SRBD1: variants seen among roughly 807,000 people sequenced by gnomAD.
SRBD1 encodes S1 RNA binding domain 1, also known as S1 RNA-binding domain-containing protein 1.
A neutral mutation model predicts 115.3 loss-of-function variants in SRBD1; 88 were observed. That is an observed-to-expected ratio of 0.76 (90% confidence interval 0.64 to 0.91). SRBD1 has a LOEUF of 0.91. SRBD1 is among the 40% of genes least tolerant of loss of function. The probability of loss-of-function intolerance (pLI) is 0.00; values close to 1 mark genes in which losing one functional copy is unlikely to be tolerated. For missense variants in SRBD1, 1,385 were observed against 1,177.4 expected, an observed-to-expected ratio of 1.18 and a Z score of -2.58; for synonymous variants, 509 against 407.7, an observed-to-expected ratio of 1.25 and a Z score of -2.99.
At chr2:45,532,301 T>C (rs1057456949) in intron 14 of SRBD1, among the ~76,000 whole-genome samples, 1 of 151,850 alleles carries the variant, frequency 6.6e-6, no homozygotes, top group East Asian at 1.9e-4. Context: ...CAGTGTTAAA[T>C]ACCAGGGAAT....
intron 16 of SRBD1, among the ~76,000 whole-genome samples, chr2:45,428,470 G>A (rs1362469442): frequency 6.6e-6 from 1 of 152,062 alleles, no homozygotes; most frequent in Non-Finnish European, 1.5e-5. Flanking sequence ...AGAATGGCGT[G>A]AACCCGGGAG....
At chr2:45,400,526 C>T (rs1283839585) in intron 19 of SRBD1, among the ~76,000 whole-genome samples, 1 of 152,096 alleles carries the variant, frequency 6.6e-6, no homozygotes, top group Admixed American at 6.6e-5. Flanking sequence ...TATTAATATT[C>T]ATTAACAATG....
In SRBD1 at chr2:45,392,972, G is replaced by A. The variant is rs760036254; in HGVS notation, c.2671C>T (p.Gln891Ter). The A allele has an allele frequency of 3.7e-6, 6 of 1,611,350 alleles. No individual in the cohort carries two copies. The highest frequency in any genetic ancestry group is 5.1e-6 in the Non-Finnish European group (6 of 1,178,502). Reference protein sequence around the residue: ...TLQVIIDGLSQPESFDFRTDF... With the variant: ...TLQVIIDGLS ...GTTCGAAAGTCAAAGCTTTCAGGCT[G>A]GCTGAGACCATCTATGATGACCTGT... Residue 891 changes from glutamine to a stop codon, truncating the protein, a stop_gained, in exon 20 of 21, where the codon CAG becomes TAG. Coordinates refer to ENST00000263736, the MANE Select transcript of SRBD1 (RefSeq NM_018079.5). LOFTEE classifies it high-confidence loss of function.
At chr2:45,559,435 G>C (rs987379908) in intron 10 of SRBD1, among the ~76,000 whole-genome samples, 2 of 152,100 alleles carry the variant, frequency 1.3e-5, no homozygotes, top group Non-Finnish European at 2.9e-5. Flanking sequence ...TCTGTTACAA[G>C]CACTTTTCTT....
intron 19 of SRBD1, among the ~76,000 whole-genome samples, chr2:45,411,972 C>A (rs1235209762): frequency 6.6e-6 from 1 of 151,918 alleles, no homozygotes; most frequent in East Asian, 1.9e-4. Flanking sequence ...ATTAGCCAGA[C>A]CGTGGTGCTG....
chr2:45,606,708 G>A (rs900383649), intron 1 of SRBD1, among the ~76,000 whole-genome samples: 11 of 152,050 alleles, frequency 7.2e-5, no homozygotes, highest in African/African-American at 2.7e-4. Flanking sequence ...CACATAATAC[G>A]GGAAAGTAAA....
At chr2:45,518,394 G>C (rs1268952509) in intron 14 of SRBD1, among the ~76,000 whole-genome samples, 1 of 152,102 alleles carries the variant, frequency 6.6e-6, no homozygotes, top group South Asian at 2.1e-4. Flanking sequence ...AGATTATTTT[G>C]AGCAGAATGA....
At chr2:45,409,894 T>G (rs947602304) in intron 19 of SRBD1, among the ~76,000 whole-genome samples, 1 of 152,130 alleles carries the variant, frequency 6.6e-6, no homozygotes, top group Non-Finnish European at 1.5e-5. Context: ...GTTCATGGAC[T>G]AAAAGACTTG....
At chr2:45,525,959 A>C (rs140212754) in intron 14 of SRBD1, among the ~76,000 whole-genome samples, 223 of 152,170 alleles carry the variant, frequency 1.5e-3, no homozygotes, top group African/African-American at 5.1e-3. Context: ...AAACCCAAAA[A>C]GTCAGGTAAC....
chr2:45,476,567 A>T (rs1669809068), intron 16 of SRBD1, among the ~76,000 whole-genome samples: 1 of 152,192 alleles, frequency 6.6e-6, no homozygotes, highest in Admixed American at 6.5e-5. Context: ...GTAACAACAA[A>T]AACGAGTACT....
At chr2:45,467,717 T>C (rs1669532507) in intron 16 of SRBD1, among the ~76,000 whole-genome samples, 2 of 152,156 alleles carry the variant, frequency 1.3e-5, no homozygotes, top group South Asian at 4.1e-4. Context: ...TCTAAGAATA[T>C]TATGAAGGGA....
chr2:45,592,017 T>C (rs896616267), intron 4 of SRBD1, among the ~76,000 whole-genome samples: 6 of 152,106 alleles, frequency 3.9e-5, no homozygotes, highest in African/African-American at 4.8e-5. Context: ...AATTGAATCA[T>C]GGGGGCCAGT....
intron 4 of SRBD1, among the ~76,000 whole-genome samples, chr2:45,589,568 G>C (rs985759619): frequency 6.6e-6 from 1 of 152,118 alleles, no homozygotes; most frequent in Non-Finnish European, 1.5e-5. Flanking sequence ...AGTTATTGTT[G>C]AATAAAAGAA....
At chr2:45,440,674 A>C (rs549982294) in intron 16 of SRBD1, among the ~76,000 whole-genome samples, 34 of 152,240 alleles carry the variant, frequency 2.2e-4, no homozygotes, top group Non-Finnish European at 4.0e-4. Flanking sequence ...CTTAGTCATA[A>C]AAGTGGACTT....
chr2:45,446,733 A>C (rs1037918408), intron 16 of SRBD1, among the ~76,000 whole-genome samples: 10 of 151,948 alleles, frequency 6.6e-5, no homozygotes, highest in Non-Finnish European at 1.5e-4. Flanking sequence ...CTACAAAAAA[A>C]CAAAAACACC....
At chr2:45,505,631 A>T (rs142444994) in intron 14 of SRBD1, among the ~76,000 whole-genome samples, 4 of 152,204 alleles carry the variant, frequency 2.6e-5, no homozygotes, top group Non-Finnish European at 5.9e-5. Context: ...TCTAAAGTAA[A>T]TAAGATGAAT....
intron 16 of SRBD1, among the ~76,000 whole-genome samples, chr2:45,473,782 T>C (rs563112202): frequency 2.0e-5 from 3 of 152,368 alleles, no homozygotes; most frequent in South Asian, 4.1e-4. Context: ...GAATTTAGTG[T>C]TGGCCTTTTG....
At chr2:45,425,896 G>T (rs1668138888) in intron 16 of SRBD1, among the ~76,000 whole-genome samples, 1 of 152,130 alleles carries the variant, frequency 6.6e-6, no homozygotes, top group African/African-American at 2.4e-5. Context: ...TCAGGGCCCT[G>T]GGTTTCAAGC....
chr2:45,585,386 T>A (rs1673486336), intron 5 of SRBD1, among the ~76,000 whole-genome samples: 1 of 152,174 alleles, frequency 6.6e-6, no homozygotes, highest in South Asian at 2.1e-4. Flanking sequence ...GCACACACTT[T>A]TACTGCAAAT....
Sources: gnomAD v4.1 joint callset for allele counts (sites outside exome capture counted in the v4.1 genomes callset) on GRCh38, gnomAD v4.1.1 for gene constraint, MANE v1.5 for transcripts, NCBI Gene and HGNC (gene_info 2026-07-23, HGNC 2026-07-21) for gene names.